Variants in CADM2 observed in about 807,000 individuals in gnomAD.
The protein encoded by CADM2 is cell adhesion molecule 2, also known as immunoglobulin superfamily member 4D.
A neutral mutation model predicts 49.8 loss-of-function variants in CADM2; 12 were observed. The ratio of observed to expected loss-of-function variants is 0.24; its 90% confidence interval spans 0.15 to 0.39. The LOEUF (loss-of-function observed/expected upper bound fraction) is 0.39, where lower values mean the gene tolerates loss of function less well. CADM2 is among the 10% of genes least tolerant of loss of function. The pLI, the probability that CADM2 is intolerant of heterozygous loss-of-function variation, is 1.00. For synonymous variants in CADM2, 214 were observed against 175.4 expected (o/e 1.22, Z -1.74); for missense variants, 378 against 492.3 (o/e 0.77, Z 2.20).
chr3:85,427,036 G>A (rs2036437717), intron 1 of CADM2, among the ~76,000 whole-genome samples: 1 of 151,384 alleles, frequency 6.6e-6, no homozygotes, highest in South Asian at 2.1e-4. Flanking sequence ...AGGATTCATA[G>A]GATGTTTCCA....
At chr3:85,280,767 A>T (rs1397726844) in intron 1 of CADM2, among the ~76,000 whole-genome samples, 5 of 151,286 alleles carry the variant, frequency 3.3e-5, no homozygotes, top group Non-Finnish European at 7.4e-5. Context: ...AGAAATAAAG[A>T]TATTTATTGG....
At chr3:85,480,937 CCTTTT>C (rs772883461) in intron 1 of CADM2, among the ~76,000 whole-genome samples, 1 of 151,532 alleles carries the variant, frequency 6.6e-6, no homozygotes, top group East Asian at 1.9e-4. Context: ...TATGAATAAT[CCTTTT>C]CTTTATTTTT....
intron 1 of CADM2, among the ~76,000 whole-genome samples, chr3:85,209,423 CAGAA>C (rs1477999654): frequency 1.3e-5 from 2 of 152,064 alleles, no homozygotes; most frequent in Admixed American, 6.5e-5. Context: ...TTCCCGAGAT[CAGAA>C]AGAAACTCAA....
intron 1 of CADM2, among the ~76,000 whole-genome samples, chr3:85,212,864 T>TCTCTCTC (rs1220821527): frequency 9.3e-5 from 10 of 107,248 alleles, no homozygotes; most frequent in South Asian, 2.7e-4. Flanking sequence ...CTTTCTTTCT[T>TCTCTCTC]TCTTTCTTTC....
intron 8 of CADM2, among the ~76,000 whole-genome samples, chr3:86,062,419 G>A (rs1289124294): frequency 6.6e-6 from 1 of 152,020 alleles, no homozygotes; most frequent in African/African-American, 2.4e-5. Flanking sequence ...TAATTTTAAC[G>A]TTTAATGTTT....
At chr3:85,377,657 G>A (rs961700307) in intron 1 of CADM2, among the ~76,000 whole-genome samples, 1 of 152,016 alleles carries the variant, frequency 6.6e-6, no homozygotes, top group Non-Finnish European at 1.5e-5. Flanking sequence ...TATTGCATTA[G>A]GGTGTGACCT....
chr3:85,853,573 C>G (rs1311594011), intron 3 of CADM2, among the ~76,000 whole-genome samples: 1 of 151,336 alleles, frequency 6.6e-6, no homozygotes, highest in Admixed American at 6.6e-5. Flanking sequence ...TCCTTTAATA[C>G]CACTTATAAA....
intron 1 of CADM2, among the ~76,000 whole-genome samples, chr3:85,568,449 T>TTTCTC (rs1327828613): frequency 7.2e-5 from 2 of 27,772 alleles, no homozygotes; most frequent in Admixed American, 5.0e-4. Context: ...CTTTCTTTCT[T>TTTCTC]TCTTTCTTTC....
chr3:85,261,876 T>A (rs2107892213), intron 1 of CADM2, among the ~76,000 whole-genome samples: 1 of 152,226 alleles, frequency 6.6e-6, no homozygotes, highest in Non-Finnish European at 1.5e-5. Flanking sequence ...AATCATGAAA[T>A]CTGTATTTCC....
chr3:85,272,597 A>G (rs1212913465), intron 1 of CADM2, among the ~76,000 whole-genome samples: 1 of 151,344 alleles, frequency 6.6e-6, no homozygotes, highest in African/African-American at 2.4e-5. Context: ...CACAGATACA[A>G]ATGCCATATT....
At chr3:85,893,479 A>G (rs1311196634) in intron 5 of CADM2, among the ~76,000 whole-genome samples, 1 of 152,224 alleles carries the variant, frequency 6.6e-6, no homozygotes, top group Non-Finnish European at 1.5e-5. Flanking sequence ...TGGCAACAAA[A>G]GCCAAAATTG....
chr3:85,518,461 A>T (rs2060954152), intron 1 of CADM2, among the ~76,000 whole-genome samples: 2 of 150,308 alleles, frequency 1.3e-5, no homozygotes, highest in African/African-American at 2.5e-5. Flanking sequence ...AGTTACTTCT[A>T]CATTTGTATT....
At chr3:85,604,914 C>G (rs1006373472) in intron 1 of CADM2, among the ~76,000 whole-genome samples, 1 of 151,932 alleles carries the variant, frequency 6.6e-6, no homozygotes, top group Non-Finnish European at 1.5e-5. Context: ...TTCATGGAAG[C>G]TTGCCTTAAA....
intron 8 of CADM2, among the ~76,000 whole-genome samples, chr3:86,064,117 C>G (rs1422480896): frequency 6.6e-6 from 1 of 151,236 alleles, no homozygotes; most frequent in Non-Finnish European, 1.5e-5. Context: ...CAGGTTTGTT[C>G]CATATGTATA....
chr3:85,284,788 A>G (rs1469731381), intron 1 of CADM2, among the ~76,000 whole-genome samples: 1 of 151,996 alleles, frequency 6.6e-6, no homozygotes, highest in Non-Finnish European at 1.5e-5. Flanking sequence ...TAGGCTATAT[A>G]AATAAGCTTG....
At chr3:85,347,396 C>CT (rs1023558714) in intron 1 of CADM2, among the ~76,000 whole-genome samples, 2 of 148,230 alleles carry the variant, frequency 1.3e-5, no homozygotes, top group Non-Finnish European at 3.0e-5. Context: ...CAATATTGTA[C>CT]TTTTTAATAT....
At chr3:85,025,657 T>G (rs2034691102) in intron 1 of CADM2, among the ~76,000 whole-genome samples, 1 of 152,174 alleles carries the variant, frequency 6.6e-6, no homozygotes, top group Non-Finnish European at 1.5e-5. Context: ...TTAGAGCTTA[T>G]AAAGCACTGT....
chr3:85,415,896 C>A (rs1443929921), intron 1 of CADM2, among the ~76,000 whole-genome samples: 3 of 151,898 alleles, frequency 2.0e-5, no homozygotes, highest in Non-Finnish European at 4.4e-5. Flanking sequence ...TTAATTATTG[C>A]AAATTTGTGG....
chr3:85,864,345 T>C (rs1240618595), intron 3 of CADM2, among the ~76,000 whole-genome samples: 1 of 152,232 alleles, frequency 6.6e-6, no homozygotes, highest in Non-Finnish European at 1.5e-5. Flanking sequence ...CGGATTCAGT[T>C]TGCTAAATAT....
Sources: gnomAD v4.1 joint callset for allele counts (sites outside exome capture counted in the v4.1 genomes callset) on GRCh38, gnomAD v4.1.1 for gene constraint, MANE v1.5 for transcripts, NCBI Gene and HGNC (gene_info 2026-07-23, HGNC 2026-07-21) for gene names.